FRMD4A: variants seen among roughly 807,000 people sequenced by gnomAD.
FRMD4A encodes FERM domain containing 4A.
In FRMD4A, 29 loss-of-function variants were observed where a neutral mutation model predicts 129.1. That is an observed-to-expected ratio of 0.22 (90% CI 0.17 to 0.31). The LOEUF (loss-of-function observed/expected upper bound fraction) is 0.31. Among genes scored for constraint, FRMD4A ranks in the 10% least tolerant of loss-of-function variants. The pLI is 1.00. For synonymous variants in FRMD4A, 634 were observed against 571.6 expected (o/e 1.11, Z -1.56); for missense variants, 1,272 against 1,375.8 (o/e 0.92, Z 1.19).
At chr10:14,243,509 C>A (rs1426351697) in intron 2 of FRMD4A, among the ~76,000 whole-genome samples, 2 of 152,216 alleles carry the variant, frequency 1.3e-5, no homozygotes, top group Non-Finnish European at 1.5e-5. Flanking sequence ...TCAGGCAGTT[C>A]TTTAAAGCAG....
intron 2 of FRMD4A, among the ~76,000 whole-genome samples, chr10:14,145,218 A>G (rs986174628): frequency 2.6e-5 from 4 of 152,206 alleles, no homozygotes; most frequent in African/African-American, 9.7e-5. Flanking sequence ...AAGCCCCAGG[A>G]ACCTCGAATT....
intron 2 of FRMD4A, among the ~76,000 whole-genome samples, chr10:14,124,199 C>A (rs1371647524): frequency 6.6e-6 from 1 of 152,140 alleles, no homozygotes; most frequent in Non-Finnish European, 1.5e-5. Flanking sequence ...TCAGGAGACA[C>A]AAGTTTTAAT....
chr10:13,697,524 T>C (rs1398538103), intron 14 of FRMD4A, among the ~76,000 whole-genome samples: 1 of 152,120 alleles, frequency 6.6e-6, no homozygotes, highest in Non-Finnish European at 1.5e-5. Flanking sequence ...GACATGGGCA[T>C]TGTCGGGGAG....
chr10:14,145,522 C>T (rs972737763), intron 2 of FRMD4A, among the ~76,000 whole-genome samples: 5 of 152,130 alleles, frequency 3.3e-5, no homozygotes, highest in African/African-American at 7.2e-5. Flanking sequence ...TCTATTGTTA[C>T]GGTGCCAGGC....
At chr10:13,857,122 C>G (rs1243024648) in intron 3 of FRMD4A, among the ~76,000 whole-genome samples, 3 of 152,076 alleles carry the variant, frequency 2.0e-5, no homozygotes, top group African/African-American at 7.2e-5. Flanking sequence ...CCTAAAACAG[C>G]CGTAATCTAA....
chr10:13,760,809 G>T (rs1312294347), intron 8 of FRMD4A, among the ~76,000 whole-genome samples: 1 of 150,280 alleles, frequency 6.7e-6, no homozygotes, highest in African/African-American at 2.4e-5. Context: ...TTCCTTTCCT[G>T]TTCATGTGGT....
intron 2 of FRMD4A, among the ~76,000 whole-genome samples, chr10:14,298,325 T>C (rs1446198197): frequency 6.6e-6 from 1 of 152,132 alleles, no homozygotes; most frequent in Non-Finnish European, 1.5e-5. Flanking sequence ...CTTGGTCTAG[T>C]TTTCATCTTC....
chr10:13,664,704 ATTT>A (rs34523185), intron 18 of FRMD4A, among the ~76,000 whole-genome samples: 22 of 146,080 alleles, frequency 1.5e-4, no homozygotes, highest in African/African-American at 4.5e-4. Context: ...CCATGTTAAC[ATTT>A]TTTTTTTTTT....
intron 3 of FRMD4A, among the ~76,000 whole-genome samples, chr10:13,832,509 C>T (rs1022538381): frequency 2.6e-5 from 4 of 152,122 alleles, no homozygotes; most frequent in Admixed American, 1.3e-4. Flanking sequence ...CTCGGGATTC[C>T]GACTTGATTG....
At chr10:14,143,398 T>C (rs1245026646) in intron 2 of FRMD4A, among the ~76,000 whole-genome samples, 1 of 152,240 alleles carries the variant, frequency 6.6e-6, no homozygotes, top group Non-Finnish European at 1.5e-5. Context: ...AAATACTATA[T>C]GATTCCTCTT....
At chr10:14,117,315 C>T (rs891938348) in intron 2 of FRMD4A, among the ~76,000 whole-genome samples, 3 of 152,196 alleles carry the variant, frequency 2.0e-5, no homozygotes, top group Non-Finnish European at 2.9e-5. Flanking sequence ...ATGAGAGAGC[C>T]TCCAACAGCT....
intron 15 of FRMD4A, among the ~76,000 whole-genome samples, chr10:13,680,454 G>A (rs1467193339): frequency 6.6e-6 from 1 of 151,570 alleles, no homozygotes; most frequent in Non-Finnish European, 1.5e-5. Context: ...AGGGCTGGGT[G>A]TCGTGGCTCA....
chr10:13,747,976 A>T (rs79490592), intron 8 of FRMD4A, among the ~76,000 whole-genome samples, 157 bp from the exon 9 acceptor site: 1,922 of 152,274 alleles, frequency 0.013, 77 homozygotes, highest in South Asian at 0.12. Context: ...TTTATTTCCG[A>T]AATACAGATG....
At chr10:14,021,384 TAA>T (rs5783378) in intron 2 of FRMD4A, among the ~76,000 whole-genome samples, 61 of 143,984 alleles carry the variant, frequency 4.2e-4, no homozygotes, top group East Asian at 2.6e-3. Context: ...TCCACAAAAA[TAA>T]AAAAAAAAAA....
chr10:13,869,874 A>G (rs921585161), intron 2 of FRMD4A, among the ~76,000 whole-genome samples: 1 of 152,246 alleles, frequency 6.6e-6, no homozygotes, highest in Admixed American at 6.5e-5. Context: ...GCCCTCATTT[A>G]CAACACAACT....
At chr10:13,997,786 CTAATT>C in intron 2 of FRMD4A, among the ~76,000 whole-genome samples, 2 of 151,936 alleles carry the variant, frequency 1.3e-5, no homozygotes. Flanking sequence ...CCACACCCAG[CTAATT>C]TGTTTGTAGA....
At chr10:14,252,297 T>G (rs1417653767) in intron 2 of FRMD4A, among the ~76,000 whole-genome samples, 1 of 152,212 alleles carries the variant, frequency 6.6e-6, no homozygotes, top group East Asian at 1.9e-4. Context: ...CATATGAACG[T>G]TGAAGCGATA....
At chr10:13,966,637 G>A (rs116961903) in intron 2 of FRMD4A, among the ~76,000 whole-genome samples, 2 of 152,214 alleles carry the variant, frequency 1.3e-5, no homozygotes, top group African/African-American at 4.8e-5. Context: ...GGGGCCGAGT[G>A]CTGTTTAGAG....
Position 13,657,529 on chromosome 10 carries a change from G to C in FRMD4A, c.2067-7C>G. 1 of 1,570,202 alleles carries C rather than the reference G, an allele frequency of 6.4e-7. No individual in the cohort carries two copies. The highest frequency in any genetic ancestry group is 8.6e-7 in the Non-Finnish European group (1 of 1,160,494). On this transcript the variant is annotated splice_polypyrimidine_tract_variant and splice_region_variant and intron_variant, in intron 21 of 24. Coordinates refer to ENST00000357447, the MANE Select transcript of FRMD4A (RefSeq NM_018027.5). ...GGGGCTGATGTCCACCGACCTGCCG[G>C]GAGACGACCCGGGTTGGTCTGGGGG... is the stretch of plus-strand genomic sequence containing the variant.
Sources: gnomAD v4.1 joint callset for allele counts (sites outside exome capture counted in the v4.1 genomes callset) on GRCh38, gnomAD v4.1.1 for gene constraint, MANE v1.5 for transcripts, NCBI Gene and HGNC (gene_info 2026-07-23, HGNC 2026-07-21) for gene names.